The following PDSS2 variants were observed in gnomAD, a reference collection of about 807,000 sequenced individuals.
The protein encoded by PDSS2 is decaprenyl diphosphate synthase subunit 2.
In PDSS2, 31 loss-of-function variants were observed where a neutral mutation model predicts 44.5. The observed-to-expected ratio is 0.70, with a 90% CI of 0.52 to 0.94. The LOEUF is 0.94. Among genes scored for constraint, PDSS2 ranks in the 40% least tolerant of loss-of-function variants. PDSS2 has a pLI of 0.00. For missense variants in PDSS2, 452 were observed against 482.2 expected (o/e 0.94, Z 0.59); for synonymous variants, 157 against 180.3 (o/e 0.87, Z 1.03).
chr6:107,349,048 A>G (rs1042574745), intron 1 of PDSS2, among the ~76,000 whole-genome samples: 7 of 152,208 alleles, frequency 4.6e-5, no homozygotes, highest in African/African-American at 1.7e-4. Flanking sequence ...TAGAAAAGTT[A>G]CAAGTACAAA....
At chr6:107,165,239 C>T (rs1166300739) in intron 7 of PDSS2, among the ~76,000 whole-genome samples, 3 of 152,098 alleles carry the variant, frequency 2.0e-5, no homozygotes, top group East Asian at 3.8e-4. Context: ...AGTCCTTGCC[C>T]GTGCCTATGT....
In PDSS2 at chr6:107,442,244, C is replaced by T. The variant is rs1055849766; in HGVS notation, c.296+16746G>A. 2.0e-5 allele frequency among the ~76,000 whole-genome samples: 3 copies of T among 152,050 alleles called. 1 individual carries two copies. Among genetic ancestry groups the T allele is most frequent in the Non-Finnish European group, 4.4e-5 (3 of 67,992 alleles). ...CCAGCCTGACCAACATGGTAAAACCCTATCTCTACTAAAAATACAAAAATT... is the reference window on the plus strand; with the variant it reads ...CCAGCCTGACCAACATGGTAAAACCTTATCTCTACTAAAAATACAAAAATT... On this transcript the variant is annotated intron_variant, in intron 1 of 7. Transcript: ENST00000369037.
At chr6:107,313,502 G>C (rs1777110133) in intron 2 of PDSS2, among the ~76,000 whole-genome samples, 1 of 151,920 alleles carries the variant, frequency 6.6e-6, no homozygotes, top group African/African-American at 2.4e-5. Flanking sequence ...ACAGGCATGA[G>C]CCACCACACC....
At chr6:107,261,098 A>C (rs1357116244) in intron 3 of PDSS2, among the ~76,000 whole-genome samples, 4 of 152,272 alleles carry the variant, frequency 2.6e-5, no homozygotes, top group Admixed American at 6.5e-5. Flanking sequence ...CTGAGTTAGG[A>C]GTTTACTAAG....
chr6:107,254,575 A>T (rs1774942101), intron 3 of PDSS2, among the ~76,000 whole-genome samples: 1 of 152,208 alleles, frequency 6.6e-6, no homozygotes, highest in Admixed American at 6.5e-5. Context: ...ATTGCTGAAT[A>T]TGAAGTCTGT....
chr6:107,197,688 C>T (rs761734439), intron 6 of PDSS2, among the ~76,000 whole-genome samples: 1 of 152,096 alleles, frequency 6.6e-6, no homozygotes, highest in Non-Finnish European at 1.5e-5. Flanking sequence ...GAAGCACAAA[C>T]TGGGAGTCCT....
intron 7 of PDSS2, among the ~76,000 whole-genome samples, chr6:107,169,871 G>T (rs2114365028): frequency 6.6e-6 from 1 of 152,300 alleles, no homozygotes; most frequent in East Asian, 1.9e-4. Flanking sequence ...GGCCGTGTGA[G>T]GTGTCAGTCT....
At chr6:107,403,740 C>T (rs564061187) in intron 1 of PDSS2, among the ~76,000 whole-genome samples, 185 of 152,294 alleles carry the variant, frequency 1.2e-3, no homozygotes, top group Non-Finnish European at 2.3e-3. Flanking sequence ...ATGGCTGGAG[C>T]GGCTGGGATG....
At chr6:107,230,077 A>G (rs7754744) in intron 4 of PDSS2, 132,711 of 175,438 alleles carry the variant, frequency 0.76, 51,680 homozygotes, top group East Asian at 1. Flanking sequence ...AAACAAAAAA[A>G]CTGAGCAAGA....
Position 107,274,211 on chromosome 6 carries a change from C to T in PDSS2, c.448G>A (p.Glu150Lys). Residue 150 changes from glutamate (E) to lysine (K), a missense_variant, in exon 3 of 8, where the codon GAG (glutamate) becomes AAG (lysine). Physicochemically the swap from Glu to Lys is moderately conservative, Grantham distance 56. Coordinates refer to ENST00000369037, the MANE Select transcript of PDSS2 (RefSeq NM_020381.4). ...GCAATATGAATTAGCTCCGTGATCT[C>T]TGCCAAACTTCTTTGACTAAAACAT... Reference protein sequence around the residue: ...GIYSCQRSLAEITELIHIALL... With the variant: ...GIYSCQRSLAKITELIHIALL... The T allele has an allele frequency of 6.2e-7, 1 of 1,613,394 alleles. No individual in the cohort carries two copies. The highest frequency in any genetic ancestry group is 8.5e-7 in the Non-Finnish European group (1 of 1,179,286).
intron 2 of PDSS2, among the ~76,000 whole-genome samples, chr6:107,289,550 T>C (rs1270221172): frequency 6.6e-6 from 1 of 151,108 alleles, no homozygotes; most frequent in African/African-American, 2.4e-5. Flanking sequence ...ATATAAAAAT[T>C]AGCTGGACGT....
intron 3 of PDSS2, among the ~76,000 whole-genome samples, chr6:107,273,478 C>T (rs1562425395): frequency 2.6e-5 from 4 of 151,772 alleles, no homozygotes; most frequent in Admixed American, 2.6e-4. Context: ...CCTAAATGTC[C>T]AACAATGAGG....
intron 4 of PDSS2, among the ~76,000 whole-genome samples, chr6:107,238,312 C>T (rs1582830161): frequency 6.6e-6 from 1 of 152,120 alleles, no homozygotes; most frequent in African/African-American, 2.4e-5. Flanking sequence ...TGAGTGTGTT[C>T]GGGATCTCCA....
At chr6:107,378,871 AG>A (rs1290948388) in intron 1 of PDSS2, among the ~76,000 whole-genome samples, 1 of 152,224 alleles carries the variant, frequency 6.6e-6, no homozygotes, top group African/African-American at 2.4e-5. Flanking sequence ...AGTTTCTGGA[AG>A]GAAGAACACA....
chr6:107,337,655 T>A (rs900938044), intron 1 of PDSS2, among the ~76,000 whole-genome samples: 1 of 152,250 alleles, frequency 6.6e-6, no homozygotes, highest in Non-Finnish European at 1.5e-5. Context: ...TCCTTGTTAC[T>A]TTTTTGTGAT....
At chr6:107,430,361 G>A (rs1046796885) in intron 1 of PDSS2, among the ~76,000 whole-genome samples, 4 of 152,012 alleles carry the variant, frequency 2.6e-5, no homozygotes, top group East Asian at 1.9e-4. Flanking sequence ...GTAGCCAGGC[G>A]TGGTGGCGTG....
intron 1 of PDSS2, among the ~76,000 whole-genome samples, chr6:107,369,337 G>A (rs1225521771): frequency 6.6e-6 from 1 of 152,116 alleles, no homozygotes; most frequent in Non-Finnish European, 1.5e-5. Context: ...GGAATTGCTT[G>A]AACCCAGGAG....
In PDSS2 at chr6:107,153,240, A is replaced by T. The variant is rs555022569; in HGVS notation, c.*1379T>A. 2.0e-4 allele frequency: 31 copies of T among 152,768 alleles called. No homozygotes were observed. Among genetic ancestry groups the T allele is most frequent in the African/African-American group, 7.5e-4 (31 of 41,576 alleles). 9.5% of individuals were successfully genotyped at this position (152,768 alleles called of 1,614,324 possible). On this transcript the variant is annotated 3_prime_UTR_variant, in exon 8 of 8. Transcript: ENST00000369037. ...ACCACATGAGGAAGAAAGGTAGCTGAGTTTCAATCTAGATCATTTATGTAA... is the reference window on the plus strand; with the variant it reads ...ACCACATGAGGAAGAAAGGTAGCTGTGTTTCAATCTAGATCATTTATGTAA...
At chr6:107,260,132 T>C (rs561002345) in intron 3 of PDSS2, among the ~76,000 whole-genome samples, 1 of 152,274 alleles carries the variant, frequency 6.6e-6, no homozygotes, top group East Asian at 1.9e-4. Flanking sequence ...GTTTTCACAG[T>C]TTACAATATC....
Sources: allele counts gnomAD v4.1 joint callset (sites outside exome capture counted in the v4.1 genomes callset), GRCh38; gene constraint gnomAD v4.1.1; transcripts MANE v1.5; gene names NCBI Gene and HGNC (gene_info 2026-07-23, HGNC 2026-07-21).